The following ROBO2 variants were observed in gnomAD, a reference collection of about 807,000 sequenced individuals.
ROBO2 encodes the protein roundabout guidance receptor 2, also known as roundabout homolog 2.
In ROBO2, 53 loss-of-function variants were observed where a neutral mutation model predicts 160.8. The ratio of observed to expected loss-of-function variants is 0.33; its 90% CI spans 0.26 to 0.41. The LOEUF (loss-of-function observed/expected upper bound fraction) is 0.41. Ranked by LOEUF, ROBO2 falls within the 10% of genes least tolerant of loss-of-function variation. The probability of loss-of-function intolerance (pLI) is 1.00; values close to 1 mark genes in which losing one functional copy is unlikely to be tolerated. For missense variants in ROBO2, 1,577 were observed against 1,722.4 expected (o/e 0.92, Z 1.49); for synonymous variants, 664 against 611.7 (o/e 1.09, Z -1.26).
At chr3:76,474,697 C>A (rs2078837363) in intron 2 of ROBO2, among the ~76,000 whole-genome samples, 1 of 152,068 alleles carries the variant, frequency 6.6e-6, no homozygotes, top group South Asian at 2.1e-4. Flanking sequence ...TTCAGCTGTG[C>A]CCTGCAGCAA....
Position 76,358,070 on chromosome 3 carries a change from C to T in ROBO2, c.109+420468C>T, listed in dbSNP as rs2075284417. Among the ~76,000 whole-genome samples the T allele has an allele frequency of 2.0e-5, 3 of 151,818 alleles. No homozygotes were observed. In the South Asian group the frequency reaches 6.2e-4, roughly 32 times the overall value. ...AAGTTATTTGTCTGTAATTAAGATACAATACTCTAAGTCTTATGTCAAAGC... is the reference window on the plus strand; with the variant it reads ...AAGTTATTTGTCTGTAATTAAGATATAATACTCTAAGTCTTATGTCAAAGC... On this transcript the variant is annotated intron_variant, in intron 2 of 26. Coordinates refer to the ROBO2 transcript ENST00000487694.
In ROBO2 at chr3:77,518,881, C is replaced by T. The variant is rs571742675; in HGVS notation, c.807-3894C>T. Among the ~76,000 whole-genome samples, 4 of 151,582 alleles carry T rather than the reference C, an allele frequency of 2.6e-5. No homozygotes were observed. In the South Asian group the frequency reaches 8.3e-4, roughly 31 times the overall value. On this transcript the variant is annotated intron_variant, in intron 5 of 25. Coordinates refer to ENST00000461745, the Ensembl canonical transcript of ROBO2. Reference sequence around the variant, plus strand: ...AAACTTCTTTTTACTCCAAAGCATACCTATCTCATTGGGAATGGATTTAGT... The same window carrying T: ...AAACTTCTTTTTACTCCAAAGCATATCTATCTCATTGGGAATGGATTTAGT...
At chr3:76,111,772 A>G (rs1175964874) in intron 2 of ROBO2, among the ~76,000 whole-genome samples, 1 of 152,004 alleles carries the variant, frequency 6.6e-6, no homozygotes, top group Non-Finnish European at 1.5e-5. Context: ...CAGCTGGAAT[A>G]CAAGCTATAA....
chr3:77,154,397 A>AT, intron 2 of ROBO2, among the ~76,000 whole-genome samples: 1 of 152,212 alleles, frequency 6.6e-6, no homozygotes, highest in Admixed American at 6.6e-5. Context: ...AAAAGGGAAC[A>AT]TTTATACATC....
At chr3:76,907,896 C>G (rs1490271742) in intron 2 of ROBO2, among the ~76,000 whole-genome samples, 1 of 151,334 alleles carries the variant, frequency 6.6e-6, no homozygotes, top group African/African-American at 2.4e-5. Context: ...CTGCAGTGCA[C>G]TGGCACGACC....
At chr3:76,829,650 C>T (rs2066900315) in intron 2 of ROBO2, among the ~76,000 whole-genome samples, 1 of 149,918 alleles carries the variant, frequency 6.7e-6, no homozygotes, top group Non-Finnish European at 1.5e-5. Context: ...CTTTCCTTTC[C>T]TTTTCTTTCT....
intron 2 of ROBO2, among the ~76,000 whole-genome samples, chr3:75,951,179 A>G (rs762900886): frequency 3.9e-5 from 6 of 152,058 alleles, no homozygotes; most frequent in Non-Finnish European, 7.4e-5. Flanking sequence ...AAAACATCAC[A>G]TGTGACCATA....
Position 77,581,467 on chromosome 3 carries a change from T to G in ROBO2, c.2500+1349T>G, listed in dbSNP as rs893737415. ...GGTCTATAATTCATCTGATGGTAAC[T>G]GCAATGTGGTTAAAGGAATGAGGCT... is the stretch of plus-strand genomic sequence containing the variant. On this transcript the variant is annotated intron_variant, in intron 16 of 25. Transcript: ENST00000461745. Among the ~76,000 whole-genome samples the G allele has an allele frequency of 2.0e-5, 3 of 152,114 alleles. No individual in the cohort carries two copies. The East Asian group carries it at 5.8e-4, about 29-fold the overall frequency.
Position 77,412,886 on chromosome 3 carries a change from G to T in ROBO2, c.389-64528G>T, listed in dbSNP as rs1176213019. ...TGACATTTGGGGATGCGTCAGTGCT[G>T]CAGATTCTTTAAACTCTATTCATTT... On this transcript the variant is annotated intron_variant, in intron 2 of 25. Transcript: ENST00000461745. Among the ~76,000 whole-genome samples the T allele has an allele frequency of 2.0e-5, 3 of 152,262 alleles. No homozygotes were observed. In the East Asian group the frequency reaches 5.8e-4, roughly 29 times the overall value.
At chr3:76,846,610 A>G (rs1166957) in intron 2 of ROBO2, among the ~76,000 whole-genome samples, 15,939 of 152,062 alleles carry the variant, frequency 0.1, 908 homozygotes, top group South Asian at 0.13. Flanking sequence ...TCTGGGCTAG[A>G]AGTGGTTTTT....
chr3:77,599,745 T>A (rs1219507617), intron 19 of ROBO2, among the ~76,000 whole-genome samples: 5 of 152,106 alleles, frequency 3.3e-5, no homozygotes, highest in African/African-American at 1.2e-4. Context: ...ATAATAAAGT[T>A]ACTAATTATA....
intron 2 of ROBO2, among the ~76,000 whole-genome samples, chr3:75,967,873 C>T (rs1414289241): frequency 1.3e-5 from 2 of 151,130 alleles, no homozygotes; most frequent in Non-Finnish European, 3.0e-5. Flanking sequence ...ACTAGGATGC[C>T]GTAACTGCCT....
chr3:76,852,486 G>A (rs2069512298), intron 2 of ROBO2, among the ~76,000 whole-genome samples: 1 of 152,180 alleles, frequency 6.6e-6, no homozygotes, highest in South Asian at 2.1e-4. Flanking sequence ...TTTGCCTGAA[G>A]AAGTGTTCTT....
chr3:76,928,709 CCTCT>C (rs962245785), intron 2 of ROBO2, among the ~76,000 whole-genome samples: 2 of 152,154 alleles, frequency 1.3e-5, no homozygotes, highest in Non-Finnish European at 2.9e-5. Context: ...TGGTTTTCTT[CCTCT>C]CTATCAACCA....
At chr3:76,395,569 C>A (rs375668567) in intron 2 of ROBO2, among the ~76,000 whole-genome samples, 1 of 146,938 alleles carries the variant, frequency 6.8e-6, no homozygotes, top group Non-Finnish European at 1.5e-5. Flanking sequence ...ATTGATAGAC[C>A]GCTAGCAAGA....
intron 2 of ROBO2, among the ~76,000 whole-genome samples, chr3:76,269,878 A>G (rs536865768): frequency 1.3e-5 from 2 of 152,194 alleles, no homozygotes; most frequent in African/African-American, 4.8e-5. Flanking sequence ...TAGGTTCTAT[A>G]GAAAAGGATG....
chr3:76,472,224 T>G (rs769105895), intron 2 of ROBO2, among the ~76,000 whole-genome samples: 4 of 152,164 alleles, frequency 2.6e-5, no homozygotes, highest in Non-Finnish European at 4.4e-5. Flanking sequence ...TCATTTCCTA[T>G]TTGATTTTTA....
In ROBO2 at chr3:76,373,416, TAAG is replaced by T. The variant is rs369373012; in HGVS notation, c.109+435818_109+435820del. On this transcript the variant is annotated intron_variant, in intron 2 of 26. Coordinates refer to the ROBO2 transcript ENST00000487694. The stretch of plus-strand genomic sequence containing the variant: ...TTTTGACTTTATAGAAGTCTGTAAA[TAAG>T]AAGTCATTTATATGTGCATAATTTG... Among the ~76,000 whole-genome samples the T allele has an allele frequency of 5.8e-3, 888 of 152,092 alleles. 5 individuals carry two copies. The highest frequency in any genetic ancestry group is 0.02 in the African/African-American group (830 of 41,540).
intron 2 of ROBO2, among the ~76,000 whole-genome samples, chr3:77,353,505 C>T (rs2068635364): frequency 6.6e-6 from 1 of 152,082 alleles, no homozygotes; most frequent in Non-Finnish European, 1.5e-5. Flanking sequence ...ATAGTTCTTG[C>T]ATACCTAGGG....
Sources: allele counts gnomAD v4.1 joint callset (sites outside exome capture counted in the v4.1 genomes callset), GRCh38; gene constraint gnomAD v4.1.1; transcripts MANE v1.5; gene names NCBI Gene and HGNC (gene_info 2026-07-23, HGNC 2026-07-21).